The following ERBB4 variants were observed in gnomAD, a reference collection of about 807,000 sequenced individuals.
The protein encoded by ERBB4 is erb-b2 receptor tyrosine kinase 4.
ERBB4 carries 42 observed loss-of-function variants against 158.0 expected under a neutral mutation model. That is an observed-to-expected ratio of 0.27 (90% CI 0.21 to 0.34). The LOEUF is 0.34. Among genes scored for constraint, ERBB4 ranks in the 10% least tolerant of loss-of-function variants. ERBB4 has a pLI of 1.00. For missense variants in ERBB4, 1,333 were observed against 1,624.1 expected, an observed-to-expected ratio of 0.82 and a Z score of 3.08; for synonymous variants, 583 against 558.7, an observed-to-expected ratio of 1.04 and a Z score of -0.61.
rs1318483848 is a variant in ERBB4 at position 212,187,605 on chromosome 2, A to AT, written c.83-62703dup. Among the ~76,000 whole-genome samples, 5 of 152,212 alleles carry AT rather than the reference A, an allele frequency of 3.3e-5. No homozygotes were observed. The East Asian group carries it at 5.8e-4, about 18-fold the overall frequency. ...ACAAGAATATCAGTCTTAAATATCAATTTTTTAAGAGCCAGCATTTAAAAA... is the reference window on the plus strand; with the variant it reads ...ACAAGAATATCAGTCTTAAATATCAATTTTTTTAAGAGCCAGCATTTAAAAA... On this transcript the variant is annotated intron_variant, in intron 1 of 27. Transcript: ENST00000342788.
At position 212,322,104 on chromosome 2, in the gene ERBB4, G is replaced by A. The variant is rs922166462; in HGVS notation, c.83-197201C>T. Among the ~76,000 whole-genome samples, 2 of 150,304 alleles carry A rather than the reference G, an allele frequency of 1.3e-5. 1 individual carries two copies. Among genetic ancestry groups the A allele is most frequent in the Non-Finnish European group, 3.0e-5 (2 of 67,038 alleles). On this transcript the variant is annotated intron_variant, in intron 1 of 27. Transcript: ENST00000342788. ...TATATAACTCTGAACTTTGAAAATT[G>A]AGCCTCTATGCATGTATGTAAAATG...
At position 211,376,744 on chromosome 2, in the gene ERBB4, A is replaced by G. The variant is rs2062480222; in HGVS notation, c.*6871T>C. The G allele has an allele frequency of 4.3e-6, 1 of 233,172 alleles. No homozygotes were observed. Among genetic ancestry groups the G allele is most frequent in the Non-Finnish European group, 8.5e-6 (1 of 117,676 alleles). The allele number at this position is 233,172 out of a possible 1,614,324, so 14.4% of individuals were successfully genotyped here. On this transcript the variant is annotated 3_prime_UTR_variant, in exon 28 of 28. Coordinates refer to ENST00000342788, the MANE Select transcript of ERBB4 (RefSeq NM_005235.3). ...TTAAGATGACTTTTTTTGTGCTATG[A>G]ATTGTCTTCCACATTGATCTCATTT...
chr2:211,486,368 G>A (rs1322266566), intron 20 of ERBB4, among the ~76,000 whole-genome samples: 1 of 151,184 alleles, frequency 6.6e-6, no homozygotes, highest in Non-Finnish European at 1.5e-5. Context: ...TTTCCCTAAG[G>A]CATTCCTTTT....
chr2:212,036,463 T>C (rs920032288), intron 2 of ERBB4, among the ~76,000 whole-genome samples: 2 of 150,298 alleles, frequency 1.3e-5, no homozygotes, highest in African/African-American at 4.9e-5. Flanking sequence ...CATGGATAAA[T>C]ACATTCTTTT....
chr2:211,441,087 T>A (rs2063963526), intron 20 of ERBB4, among the ~76,000 whole-genome samples: 1 of 152,172 alleles, frequency 6.6e-6, no homozygotes, highest in South Asian at 2.1e-4. Context: ...TCAGAAGGAT[T>A]TGTACCATGG....
At chr2:211,961,611 G>A (rs753148481) in intron 2 of ERBB4, among the ~76,000 whole-genome samples, 3 of 152,146 alleles carry the variant, frequency 2.0e-5, no homozygotes, top group South Asian at 2.1e-4. Context: ...AAGATATTAC[G>A]TGCCTCCCAC....
intron 2 of ERBB4, among the ~76,000 whole-genome samples, chr2:212,008,423 A>G (rs1211544296): frequency 2.6e-5 from 4 of 152,100 alleles, no homozygotes; most frequent in African/African-American, 9.6e-5. Context: ...GTTGGACACC[A>G]AGGACATGAA....
chr2:212,138,121 T>C (rs1489378494), intron 1 of ERBB4, among the ~76,000 whole-genome samples: 1 of 152,176 alleles, frequency 6.6e-6, no homozygotes, highest in African/African-American at 2.4e-5. Flanking sequence ...CTAATAAATA[T>C]GAATAATTTT....
chr2:212,535,851 A>G (rs1233271060), intron 1 of ERBB4, among the ~76,000 whole-genome samples: 2 of 152,250 alleles, frequency 1.3e-5, no homozygotes, highest in Admixed American at 6.5e-5. Context: ...TTAAAGATCT[A>G]TACAACAGCA....
intron 19 of ERBB4, among the ~76,000 whole-genome samples, chr2:211,595,684 G>A (rs1053220748): frequency 5.3e-5 from 8 of 152,138 alleles, no homozygotes; most frequent in Non-Finnish European, 7.4e-5. Context: ...TGACCTGCAC[G>A]GGTCCAATTA....
intron 12 of ERBB4, among the ~76,000 whole-genome samples, chr2:211,683,965 T>C (rs7425341): frequency 0.57 from 85,763 of 151,730 alleles, 25,072 homozygotes; most frequent in African/African-American, 0.68. Flanking sequence ...ATTTTTAATA[T>C]GCTTATTTTT....
At chr2:212,125,957 ATG>A (rs1157242524) in intron 1 of ERBB4, among the ~76,000 whole-genome samples, 2 of 152,216 alleles carry the variant, frequency 1.3e-5, no homozygotes, top group Non-Finnish European at 2.9e-5. Flanking sequence ...GCTAGGTTGA[ATG>A]GTATTTCTGT....
intron 12 of ERBB4, among the ~76,000 whole-genome samples, chr2:211,689,803 T>C (rs923319061): frequency 1.3e-5 from 2 of 151,926 alleles, no homozygotes; most frequent in African/African-American, 2.4e-5. Context: ...CTCTTGCTAA[T>C]GGGATAAACA....
Position 212,194,291 on chromosome 2 carries a change from T to TACACACACACACACACACAC in ERBB4, c.83-69408_83-69389dup, listed in dbSNP as rs5838307. On this transcript the variant is annotated intron_variant, in intron 1 of 27. Transcript: ENST00000342788. ...ATTTATATATAGTTTAAATAGTTTA[T>TACACACACACACACACACAC]ACACACACACACACACACACACACA... 2.2e-4 allele frequency among the ~76,000 whole-genome samples: 32 copies of TACACACACACACACACACAC among 148,834 alleles called. No individual in the cohort carries two copies. The South Asian group carries it at 2.8e-3, about 13-fold the overall frequency.
At chr2:212,302,590 C>T (rs1365769483) in intron 1 of ERBB4, among the ~76,000 whole-genome samples, 3 of 151,416 alleles carry the variant, frequency 2.0e-5, no homozygotes, top group African/African-American at 4.8e-5. Flanking sequence ...ATTTTCTAAG[C>T]AATCACCTTC....
chr2:212,310,112 T>C (rs1016858181), intron 1 of ERBB4, among the ~76,000 whole-genome samples: 1 of 150,714 alleles, frequency 6.6e-6, no homozygotes, highest in Non-Finnish European at 1.5e-5. Flanking sequence ...CAGTTTATTT[T>C]CATAAAGTCT....
chr2:211,508,426 A>T (rs1040148078), intron 20 of ERBB4, among the ~76,000 whole-genome samples: 31 of 152,214 alleles, frequency 2.0e-4, no homozygotes, highest in Non-Finnish European at 4.1e-4. Flanking sequence ...CTGCAATGAG[A>T]TACCATCTCA....
chr2:211,560,651 A>G (rs1337579972), intron 20 of ERBB4, among the ~76,000 whole-genome samples: 1 of 152,126 alleles, frequency 6.6e-6, no homozygotes. Flanking sequence ...CACCTTATAA[A>G]TTATAGAAGT....
intron 1 of ERBB4, among the ~76,000 whole-genome samples, chr2:212,536,878 C>T (rs1219606802): frequency 6.6e-6 from 1 of 152,052 alleles, no homozygotes; most frequent in Non-Finnish European, 1.5e-5. Context: ...GCATAATCAA[C>T]CCATTGAGGG....
Sources: allele counts gnomAD v4.1 joint callset (sites outside exome capture counted in the v4.1 genomes callset), GRCh38; gene constraint gnomAD v4.1.1; transcripts MANE v1.5; gene names NCBI Gene and HGNC (gene_info 2026-07-23, HGNC 2026-07-21).